AP1M1: variants seen among roughly 807,000 people sequenced by gnomAD.
The protein encoded by AP1M1 is adaptor related protein complex 1 subunit mu 1, also known as AP-1 complex subunit mu-1.
In AP1M1, 18 loss-of-function variants were observed where a neutral mutation model predicts 57.1. That is an observed-to-expected ratio of 0.32 (90% CI 0.22 to 0.47). The LOEUF (loss-of-function observed/expected upper bound fraction) is 0.47. Among genes scored for constraint, AP1M1 ranks in the 20% least tolerant of loss-of-function variants. The pLI is 1.00. For synonymous variants in AP1M1, 241 were observed against 237.9 expected (o/e 1.01, Z -0.12); for missense variants, 362 against 593.5 (o/e 0.61, Z 4.05).
rs1047937258 is a variant in AP1M1 at position 16,230,067 on chromosome 19, A to G, written c.1047+1139A>G. On this transcript the variant is annotated intron_variant, in intron 9 of 11. Transcript: ENST00000291439. ...GAGAATACTTCATCAAATAAACAGC[A>G]TGGTGAGCTGTAGACGGGGGAGGAA... 2.0e-5 allele frequency among the ~76,000 whole-genome samples: 3 copies of G among 152,218 alleles called. No individual in the cohort carries two copies. In the East Asian group the frequency reaches 5.8e-4, roughly 29 times the overall value.
At chr19:16,234,315 G>C (rs745678992) in intron 11 of AP1M1, 41 bp downstream of exon 11, 2 of 1,611,192 alleles carry the variant, frequency 1.2e-6, no homozygotes. Flanking sequence ...TGTACTGAGG[G>C]GTCCTCTGTG....
At position 16,240,103 on chromosome 19, in the gene AP1M1, CTA is replaced by C. The variant is rs1386790035; in HGVS notation, c.*5669_*5670del. 6.6e-6 allele frequency: 1 copy of C among 151,924 alleles called. No homozygotes were observed. Among genetic ancestry groups the C allele is most frequent in the Admixed American group, 6.6e-5 (1 of 15,240 alleles). The allele number at this position is 151,924 out of a possible 1,614,324, so 9.4% of individuals were successfully genotyped here. On this transcript the variant is annotated 3_prime_UTR_variant, in exon 12 of 12. Transcript: ENST00000291439. ...TAGCATCTACATTGTATTAGGTAAT[CTA>C]GAGATGATTTAAAGATGATGTGCAT... is the stretch of plus-strand genomic sequence containing the variant.
At chr19:16,210,167 T>G (rs2091487739) in intron 5 of AP1M1, among the ~76,000 whole-genome samples, 1 of 152,250 alleles carries the variant, frequency 6.6e-6, no homozygotes, top group Non-Finnish European at 1.5e-5. Flanking sequence ...TCTAATTCTT[T>G]GCGATTCATC....
chr19:16,220,784 CT>C (rs1367901819), intron 5 of AP1M1, among the ~76,000 whole-genome samples: 2 of 152,170 alleles, frequency 1.3e-5, no homozygotes, highest in Admixed American at 6.5e-5. Context: ...TATATTTTAC[CT>C]TTATCCCTAA....
rs1028879358 is a variant in AP1M1 at position 16,203,359 on chromosome 19, C to A, written c.43-100C>A. The A allele has an allele frequency of 1.9e-5, 24 of 1,285,732 alleles. No homozygotes were observed. The highest frequency in any genetic ancestry group is 2.7e-5 in the Non-Finnish European group (24 of 899,324). 79.6% of individuals were successfully genotyped at this position (1,285,732 alleles called of 1,614,324 possible). Reference sequence around the variant, plus strand: ...GCGGATAGTGGCCATGACCGGAGTCCCCAGAGCGAAGCAGGGTGGTGCATC... The same window carrying A: ...GCGGATAGTGGCCATGACCGGAGTCACCAGAGCGAAGCAGGGTGGTGCATC... On this transcript the variant is annotated intron_variant, in intron 1 of 11. Transcript: ENST00000291439. This position sits in a 1 kb window ranked among gnomAD's most constrained non-coding sequence, Gnocchi z 4.6.
chr19:16,198,017 T>G lies in AP1M1; in HGVS notation c.-10T>G, dbSNP rs771576013. 15 of 1,395,616 alleles carry G rather than the reference T, an allele frequency of 1.1e-5. No homozygotes were observed. The highest frequency in any genetic ancestry group is 1.4e-5 in the Non-Finnish European group (15 of 1,069,862). The allele number at this position is 1,395,616 out of a possible 1,614,324, so 86.5% of individuals were successfully genotyped here. On this transcript the variant is annotated 5_prime_UTR_variant, in exon 1 of 12. Transcript: ENST00000291439. ...GCCCTCGGCCGCTGCCGAGGCCTCC[T>G]GCAGCCATCATGTCCGCCAGCGCCG...
At chr19:16,220,436 G>C (rs138546281) in intron 5 of AP1M1, among the ~76,000 whole-genome samples, 402 of 152,134 alleles carry the variant, frequency 2.6e-3, no homozygotes, top group Non-Finnish European at 4.3e-3. Flanking sequence ...TGTCACCCAG[G>C]CTGGAGTGCA....
Position 16,243,536 on chromosome 19 carries a change from A to G in AP1M1, c.*9101A>G, listed in dbSNP as rs1245505975. 6.7e-6 allele frequency: 1 copy of G among 150,230 alleles called. No homozygotes were observed. The highest frequency in any genetic ancestry group is 2.4e-5 in the African/African-American group (1 of 40,978). 9.3% of individuals were successfully genotyped at this position (150,230 alleles called of 1,614,324 possible). A position where few individuals can be genotyped will look rare whatever the true frequency, so the allele number is the denominator to read the frequency against. On this transcript the variant is annotated 3_prime_UTR_variant, in exon 12 of 12. Coordinates refer to ENST00000291439, the MANE Select transcript of AP1M1 (RefSeq NM_032493.4). ...AAGTGATCCACCTGCCTCAGCCTCCACAGTGCTGGAATTACAGGTGTGAGT... is the reference window on the plus strand; with the variant it reads ...AAGTGATCCACCTGCCTCAGCCTCCGCAGTGCTGGAATTACAGGTGTGAGT...
intron 9 of AP1M1, 99 bp from the exon 10 acceptor site, chr19:16,233,394 G>C: frequency 2.8e-6 from 4 of 1,418,972 alleles, no homozygotes; most frequent in Non-Finnish European, 3.7e-6. Context: ...CCTGGACTGG[G>C]GTGAGTGGTC....
In AP1M1 at chr19:16,234,465, G is replaced by T. The variant is rs564803280; in HGVS notation, c.*30G>T. ...CTGTCGCAGCCAACACCCCGGCCTC[G>T]GGGCTCCTGGTGGCAGCACCAGGGG... On this transcript the variant is annotated 3_prime_UTR_variant, in exon 12 of 12. Coordinates refer to ENST00000291439, the MANE Select transcript of AP1M1 (RefSeq NM_032493.4). 6.2e-7 allele frequency: 1 copy of T among 1,612,880 alleles called. No individual in the cohort carries two copies. Among genetic ancestry groups the T allele is most frequent in the East Asian group, 2.2e-5 (1 of 44,842 alleles).
Position 16,198,048 on chromosome 19 carries a change from G to A in AP1M1, c.22G>A (p.Val8Met). 4 of 1,578,504 alleles carry A rather than the reference G, an allele frequency of 2.5e-6. No homozygotes were observed. The highest frequency in any genetic ancestry group is 3.4e-6 in the Non-Finnish European group (4 of 1,172,032). MSASAVY[V>M]LDLKGKVLIC... ...CATCATGTCCGCCAGCGCCGTCTACGTGCTGGACCTGAAGGGCAAGGTACT... is the reference window on the plus strand; with the variant it reads ...CATCATGTCCGCCAGCGCCGTCTACATGCTGGACCTGAAGGGCAAGGTACT... The change falls in exon 1 of 12, where the codon GTG becomes ATG. Residue 8 changes from valine (V) to methionine (M), a missense_variant. Physicochemically the swap from Val to Met is conservative, Grantham distance 21. Coordinates refer to ENST00000291439, the MANE Select transcript of AP1M1 (RefSeq NM_032493.4).
At chr19:16,219,587 G>A (rs976838749) in intron 5 of AP1M1, among the ~76,000 whole-genome samples, 2 of 151,898 alleles carry the variant, frequency 1.3e-5, no homozygotes, top group African/African-American at 4.8e-5. Flanking sequence ...TAGTAGAAAC[G>A]GGGTTTCACC....
In AP1M1 at chr19:16,225,091, G is replaced by A. The variant is rs550751917; in HGVS notation, c.547-1330G>A. On this transcript the variant is annotated intron_variant, in intron 5 of 11. Transcript: ENST00000291439. ...TGAGGCTGGGGAAGGTGACAGAACC[G>A]GAGCCCTTGGGGCCATGTCCGGTTC... 2.0e-5 allele frequency among the ~76,000 whole-genome samples: 3 copies of A among 152,276 alleles called. No individual in the cohort carries two copies. The South Asian group carries it at 6.2e-4, about 32-fold the overall frequency.
chr19:16,236,171 AC>A lies in AP1M1; in HGVS notation c.*1741del. ...GACCCCATTTGCCATCCTCGCTGCCACCCCCGGGGCCTAGCTCCAGTGTGGG... is the reference window on the plus strand; with the variant it reads ...GACCCCATTTGCCATCCTCGCTGCCACCCCGGGGCCTAGCTCCAGTGTGGG... On this transcript the variant is annotated 3_prime_UTR_variant, in exon 12 of 12. Transcript: ENST00000291439. The A allele has an allele frequency of 6.6e-6, 1 of 152,322 alleles. No homozygotes were observed. Among genetic ancestry groups the A allele is most frequent in the Non-Finnish European group, 1.5e-5 (1 of 68,298 alleles). 9.4% of individuals were successfully genotyped at this position (152,322 alleles called of 1,614,324 possible). A position where few individuals can be genotyped will look rare whatever the true frequency, so the allele number is the denominator to read the frequency against.
intron 5 of AP1M1, among the ~76,000 whole-genome samples, chr19:16,217,132 C>T (rs773342889): frequency 8.5e-5 from 13 of 152,108 alleles, no homozygotes; most frequent in Non-Finnish European, 1.8e-4. Flanking sequence ...TGTGTGTGCC[C>T]TTTGTGCATG....
chr19:16,205,587 C>T lies in AP1M1; in HGVS notation c.200-754C>T, dbSNP rs770661465. ...TCCTGGGCAGACGAGCCAGGCAGCA[C>T]AGATGTGCCATGAACAGGGATGTCC... is the stretch of plus-strand genomic sequence containing the variant. On this transcript the variant is annotated intron_variant, in intron 2 of 11. Transcript: ENST00000291439. Among the ~76,000 whole-genome samples, 13 of 152,282 alleles carry T rather than the reference C, an allele frequency of 8.5e-5. No individual in the cohort carries two copies. In the East Asian group the frequency reaches 2.5e-3, roughly 29 times the overall value.
In AP1M1 at chr19:16,238,526, A is replaced by G. The variant is rs919042455; in HGVS notation, c.*4091A>G. ...TAATCTAGTATAAAATACGGAAATA[A>G]TATTTTGCGTGCTTAGGGATCTATA... On this transcript the variant is annotated 3_prime_UTR_variant, in exon 12 of 12. Coordinates refer to ENST00000291439, the MANE Select transcript of AP1M1 (RefSeq NM_032493.4). 6.6e-6 allele frequency: 1 copy of G among 152,134 alleles called. No homozygotes were observed. Among genetic ancestry groups the G allele is most frequent in the Non-Finnish European group, 1.5e-5 (1 of 68,018 alleles). 9.4% of individuals were successfully genotyped at this position (152,134 alleles called of 1,614,324 possible).
intron 9 of AP1M1, among the ~76,000 whole-genome samples, chr19:16,232,834 G>A (rs2091605006): frequency 6.6e-6 from 1 of 152,178 alleles, no homozygotes; most frequent in South Asian, 2.1e-4. Context: ...CCAGGCGCTG[G>A]GGGTGACCAG....
At position 16,197,979 on chromosome 19, in the gene AP1M1, TGCC is replaced by T; in HGVS notation, c.-41_-39del. ...AACGCCCAGCAGTCCCCACCGTCGC[TGCC>T]GCCGCCACCGCCCTCGGCCGCTGCC... On this transcript the variant is annotated 5_prime_UTR_variant, in exon 1 of 12. Coordinates refer to ENST00000291439, the MANE Select transcript of AP1M1 (RefSeq NM_032493.4). The T allele has an allele frequency of 6.5e-7, 1 of 1,528,172 alleles. No homozygotes were observed. The highest frequency in any genetic ancestry group is 8.8e-7 in the Non-Finnish European group (1 of 1,137,102). 94.7% of individuals were successfully genotyped at this position (1,528,172 alleles called of 1,614,324 possible).
Sources: allele counts gnomAD v4.1 joint callset (sites outside exome capture counted in the v4.1 genomes callset), GRCh38; gene constraint gnomAD v4.1.1; non-coding constraint Gnocchi (gnomAD v3.1); transcripts MANE v1.5; gene names NCBI Gene and HGNC (gene_info 2026-07-23, HGNC 2026-07-21).